Variants in SYT1 observed in about 807,000 individuals in gnomAD.
SYT1 encodes the protein synaptotagmin 1.
A neutral mutation model predicts 44.8 loss-of-function variants in SYT1; 8 were observed. The ratio of observed to expected loss-of-function variants is 0.18; its 90% CI spans 0.10 to 0.32. The LOEUF (loss-of-function observed/expected upper bound fraction) is 0.32, where lower values mean the gene tolerates loss of function less well. SYT1 is among the 10% of genes least tolerant of loss of function. The pLI is 1.00. For synonymous variants in SYT1, 154 were observed against 188.8 expected (o/e 0.82, Z 1.51); for missense variants, 286 against 509.3 (o/e 0.56, Z 4.22).
At chr12:79,150,085 A>G (rs1003317392) in intron 3 of SYT1, among the ~76,000 whole-genome samples, 9 of 152,314 alleles carry the variant, frequency 5.9e-5, no homozygotes, top group Admixed American at 5.2e-4. Context: ...TGATATTTGT[A>G]TACAACATGG....
chr12:78,938,751 G>A (rs1198707221), intron 1 of SYT1, among the ~76,000 whole-genome samples: 2 of 152,190 alleles, frequency 1.3e-5, no homozygotes, highest in South Asian at 2.1e-4. Flanking sequence ...GAGGATAAAT[G>A]TAGGCTATCC....
intron 9 of SYT1, among the ~76,000 whole-genome samples, chr12:79,407,748 G>T (rs1478758487): frequency 6.6e-6 from 1 of 152,070 alleles, no homozygotes; most frequent in Non-Finnish European, 1.5e-5. Context: ...ATTTGCTGTG[G>T]TTTTTGCAAC....
intron 1 of SYT1, among the ~76,000 whole-genome samples, chr12:78,882,442 G>A (rs1874510438): frequency 6.6e-6 from 1 of 151,644 alleles, no homozygotes; most frequent in Non-Finnish European, 1.5e-5. Context: ...TGTAAATTCA[G>A]CAATGTAATA....
chr12:79,154,090 T>G (rs1379094375), intron 3 of SYT1, among the ~76,000 whole-genome samples: 2 of 152,118 alleles, frequency 1.3e-5, no homozygotes, highest in Non-Finnish European at 2.9e-5. Context: ...CAATCATTAG[T>G]GTGAAGTTAG....
chr12:78,871,421 CTT>C, intron 1 of SYT1, among the ~76,000 whole-genome samples: 1 of 152,136 alleles, frequency 6.6e-6, no homozygotes, highest in Admixed American at 6.5e-5. Flanking sequence ...AACTGAGTAT[CTT>C]TTTCCCTCAT....
intron 3 of SYT1, among the ~76,000 whole-genome samples, chr12:79,135,495 A>T (rs185798271): frequency 4.1e-4 from 63 of 152,346 alleles, no homozygotes; most frequent in Middle Eastern, 3.4e-3. Context: ...TCAATAGTTC[A>T]TAAATTATTT....
chr12:79,445,113 C>G (rs1870632156), intron 10 of SYT1, among the ~76,000 whole-genome samples: 1 of 152,050 alleles, frequency 6.6e-6, no homozygotes, highest in Non-Finnish European at 1.5e-5. Flanking sequence ...GACATCAAAC[C>G]TACAACAAAG....
chr12:79,241,111 T>G (rs1876477212), intron 4 of SYT1, among the ~76,000 whole-genome samples: 4 of 152,174 alleles, frequency 2.6e-5, no homozygotes, highest in Admixed American at 2.6e-4. Context: ...AAGTCAAGGC[T>G]ACAAGTGAAC....
At chr12:79,024,649 A>C (rs1417330525) in intron 2 of SYT1, among the ~76,000 whole-genome samples, 1 of 151,810 alleles carries the variant, frequency 6.6e-6, no homozygotes, top group Non-Finnish European at 1.5e-5. Context: ...TAAAATGGGC[A>C]AGACCCCTGC....
At chr12:79,107,177 G>A (rs1019848306) in intron 3 of SYT1, among the ~76,000 whole-genome samples, 8 of 151,694 alleles carry the variant, frequency 5.3e-5, no homozygotes, top group African/African-American at 1.9e-4. Flanking sequence ...ATTAACTCAA[G>A]ACATTTAAAA....
chr12:79,081,469 T>A (rs749163786), intron 3 of SYT1, among the ~76,000 whole-genome samples: 45 of 151,890 alleles, frequency 3.0e-4, no homozygotes, highest in Middle Eastern at 3.4e-3. Flanking sequence ...AACCTCTGTC[T>A]CCTGGTTAAT....
At chr12:78,964,116 A>G (rs17204658) in intron 1 of SYT1, 7,205 of 152,226 alleles carry the variant, frequency 0.047, 219 homozygotes, top group Admixed American at 0.087. Flanking sequence ...ATTTTTAATC[A>G]TAATTTAGAT....
chr12:78,892,870 T>G (rs766348454), intron 1 of SYT1, among the ~76,000 whole-genome samples: 4 of 151,840 alleles, frequency 2.6e-5, no homozygotes, highest in Non-Finnish European at 5.9e-5. Flanking sequence ...GAATCCTAAT[T>G]TGAGTAAACT....
intron 9 of SYT1, among the ~76,000 whole-genome samples, chr12:79,363,331 T>C (rs2136029489): frequency 6.6e-6 from 1 of 152,144 alleles, no homozygotes; most frequent in East Asian, 1.9e-4. Flanking sequence ...AAGATTCCTG[T>C]TAGTAAAGCC....
chr12:79,104,589 C>A (rs1447004469), intron 3 of SYT1, among the ~76,000 whole-genome samples: 1 of 151,858 alleles, frequency 6.6e-6, no homozygotes, highest in East Asian at 1.9e-4. Flanking sequence ...ATTCCTTACA[C>A]ACATATTAAT....
intron 2 of SYT1, among the ~76,000 whole-genome samples, chr12:78,984,726 G>A (rs1336171185): frequency 6.6e-6 from 1 of 151,904 alleles, no homozygotes; most frequent in East Asian, 1.9e-4. Flanking sequence ...AAATTAGATG[G>A]AGTTTTTGGT....
intron 3 of SYT1, among the ~76,000 whole-genome samples, chr12:79,198,863 T>C (rs560725096): frequency 6.6e-6 from 1 of 152,304 alleles, no homozygotes; most frequent in East Asian, 1.9e-4. Flanking sequence ...TTTCTTTCAA[T>C]CTGGTTGATA....
At chr12:79,363,697 T>C (rs1249206133) in intron 9 of SYT1, among the ~76,000 whole-genome samples, 1 of 151,640 alleles carries the variant, frequency 6.6e-6, no homozygotes, top group East Asian at 1.9e-4. Flanking sequence ...ATTGTGCCAC[T>C]GCACTCCAGC....
At chr12:79,038,172 T>C (rs1207349292) in intron 2 of SYT1, among the ~76,000 whole-genome samples, 1 of 151,006 alleles carries the variant, frequency 6.6e-6, no homozygotes, top group Non-Finnish European at 1.5e-5. Flanking sequence ...TGAATATATA[T>C]ATATATACAC....
Sources: allele counts gnomAD v4.1 joint callset (sites outside exome capture counted in the v4.1 genomes callset), GRCh38; gene constraint gnomAD v4.1.1; transcripts MANE v1.5; gene names NCBI Gene and HGNC (gene_info 2026-07-23, HGNC 2026-07-21).